The following HK1 variants were observed in gnomAD, a reference collection of about 807,000 sequenced individuals.
HK1 encodes the protein hexokinase-1.
A neutral mutation model predicts 91.6 loss-of-function variants in HK1; 28 were observed. The ratio of observed to expected loss-of-function variants is 0.31; its 90% CI spans 0.23 to 0.42. The LOEUF is 0.42. Among genes scored for constraint, HK1 ranks in the 10% least tolerant of loss-of-function variants. HK1 has a pLI of 1.00. For missense variants in HK1, 770 were observed against 1,219.8 expected (o/e 0.63, Z 5.49); for synonymous variants, 430 against 468.1 (o/e 0.92, Z 1.05).
chr10:69,350,324 G>T (rs980540425), intron 2 of HK1, among the ~76,000 whole-genome samples: 1 of 152,204 alleles, frequency 6.6e-6, no homozygotes, highest in Non-Finnish European at 1.5e-5. Context: ...CTAAAGAGAT[G>T]CTGGACATCC....
intron 14 of HK1, among the ~76,000 whole-genome samples, chr10:69,391,601 C>T (rs865819423): frequency 6.6e-5 from 10 of 152,280 alleles, no homozygotes; most frequent in Admixed American, 3.3e-4. Flanking sequence ...AAGATTGCGC[C>T]GCTGCACTCC....
In HK1 at chr10:69,369,715, C is replaced by A; in HGVS notation, c.875+91C>A. ...GATGGGAGATGAAAAGGGCATAAAG[C>A]CAAGTGATCACAAACAGAAAAGCCT... On this transcript the variant is annotated intron_variant, in intron 7 of 17. Coordinates refer to ENST00000359426, the MANE Select transcript of HK1 (RefSeq NM_000188.3). The surrounding 1 kb of genome is among the most constrained non-coding windows in gnomAD (Gnocchi z 4.4). 1 of 1,213,050 alleles carries A rather than the reference C, an allele frequency of 8.2e-7. No homozygotes were observed. The highest frequency in any genetic ancestry group is 1.2e-6 in the Non-Finnish European group (1 of 837,346). 75.1% of individuals were successfully genotyped at this position (1,213,050 alleles called of 1,614,324 possible). A position where few individuals can be genotyped will look rare whatever the true frequency, so the allele number is the denominator to read the frequency against.
At position 69,296,776 on chromosome 10, in the gene HK1, G is replaced by A. The variant is rs192379448; in HGVS notation, c.-67+1096G>A. On this transcript the variant is annotated intron_variant, in intron 4 of 21. Transcript: ENST00000360289. ...GACTGAGGAGGTTGGATGGGACTGG[G>A]ATTGGTTGTCCAGTTGAGAAACTCT... Among the ~76,000 whole-genome samples, 645 of 152,322 alleles carry A rather than the reference G, an allele frequency of 4.2e-3. 5 individuals are homozygous for A. The highest frequency in any genetic ancestry group is 0.015 in the African/African-American group (609 of 41,574).
intron 3 of HK1, among the ~76,000 whole-genome samples, chr10:69,290,365 G>A (rs1378982874): frequency 3.9e-5 from 6 of 152,292 alleles, no homozygotes; most frequent in Middle Eastern, 3.4e-3. Flanking sequence ...TCTTGGGCAC[G>A]CCTGGGGTGG....
chr10:69,332,109 T>C (rs1589497394), intron 1 of HK1, among the ~76,000 whole-genome samples: 1 of 152,178 alleles, frequency 6.6e-6, no homozygotes, highest in Non-Finnish European at 1.5e-5. Context: ...TAAATGTGGC[T>C]AGTAGGAAAC....
intron 3 of HK1, among the ~76,000 whole-genome samples, chr10:69,361,908 C>T (rs564713945): frequency 9.9e-5 from 15 of 152,232 alleles, no homozygotes; most frequent in African/African-American, 3.1e-4. Flanking sequence ...ACCTCCGCCT[C>T]CCGGGTTCAA....
chr10:69,338,512 G>T, intron 1 of HK1: 1 of 1,289,460 alleles, frequency 7.8e-7, no homozygotes, highest in Non-Finnish European at 1.0e-6. Flanking sequence ...TCCACAGACC[G>T]AGGCTTGCAG....
intron 1 of HK1, among the ~76,000 whole-genome samples, chr10:69,321,762 G>T (rs1847046396): frequency 6.6e-6 from 1 of 152,206 alleles, no homozygotes; most frequent in African/African-American, 2.4e-5. Context: ...ATCCTGGGTT[G>T]AAACAGTTCA....
intron 1 of HK1, among the ~76,000 whole-genome samples, chr10:69,340,974 C>T (rs902802990): frequency 6.6e-6 from 1 of 152,002 alleles, no homozygotes; most frequent in South Asian, 2.1e-4. Flanking sequence ...TCTCCAACTT[C>T]GCCTCTCCAG....
At chr10:69,331,164 G>T (rs1321858389) in intron 1 of HK1, among the ~76,000 whole-genome samples, 1 of 152,194 alleles carries the variant, frequency 6.6e-6, no homozygotes, top group Non-Finnish European at 1.5e-5. Context: ...ACAGGCATGA[G>T]CCGCCACGCC....
chr10:69,396,478 C>T (rs1166338067), intron 16 of HK1, among the ~76,000 whole-genome samples: 4 of 152,068 alleles, frequency 2.6e-5, no homozygotes, highest in South Asian at 2.1e-4. Flanking sequence ...AAACTCTGTA[C>T]GCAGCAAACA....
intron 2 of HK1, among the ~76,000 whole-genome samples, chr10:69,348,494 G>A (rs2132705120): frequency 6.6e-6 from 1 of 152,320 alleles, no homozygotes. Flanking sequence ...GGGCAGGAAT[G>A]CCTGTGTATC....
Position 69,338,714 on chromosome 10 carries a change from TA to T in HK1, c.64-5112del, listed in dbSNP as rs1399609248. ...GTGTGTGTGTGTGTGTGTGTGTAAG[TA>T]CTTGTGTGTGTATGTGTGAGTGTGT... On this transcript the variant is annotated intron_variant, in intron 1 of 17. Transcript: ENST00000359426. 4 of 1,262,430 alleles carry T rather than the reference TA, an allele frequency of 3.2e-6. No individual in the cohort carries two copies. The East Asian group carries it at 2.2e-4, about 71-fold the overall frequency. The allele number at this position is 1,262,430 out of a possible 1,614,324, so 78.2% of individuals were successfully genotyped here. A position where few individuals can be genotyped will look rare whatever the true frequency, so the allele number is the denominator to read the frequency against.
At chr10:69,372,600 G>A (rs1850067031) in intron 7 of HK1, among the ~76,000 whole-genome samples, 1 of 152,188 alleles carries the variant, frequency 6.6e-6, no homozygotes. Flanking sequence ...GTGTGGTCTG[G>A]TGTAGGTTTG....
upstream of HK1, chr10:69,318,110 CCGGAGCTGGTGACTCGGGGG>C: frequency 1.0e-6 from 1 of 985,448 alleles, no homozygotes; most frequent in Non-Finnish European, 1.2e-6. Flanking sequence ...GGGAGAGCCA[CCGGAGCTGGTGACTCGGGGG>C]CGGGTGCTCT....
intron 14 of HK1, among the ~76,000 whole-genome samples, chr10:69,391,498 G>A (rs543156771): frequency 6.6e-6 from 1 of 152,312 alleles, no homozygotes; most frequent in South Asian, 2.1e-4. Flanking sequence ...TAAAAAATTA[G>A]CCAGGCATGA....
In HK1 at chr10:69,400,999, G is replaced by C. The variant is rs760862468; in HGVS notation, c.2618G>C (p.Arg873Thr). 6.2e-7 allele frequency: 1 copy of C among 1,614,218 alleles called. No homozygotes were observed. The highest frequency in any genetic ancestry group is 8.5e-7 in the Non-Finnish European group (1 of 1,180,042). Residue 873 changes from arginine (R) to threonine (T), a missense_variant, in exon 18 of 18, where the codon AGA becomes ACA. Transcript: ENST00000359426. ...TTTCTCGTCCTTTTTAGCTTCTCCA[G>C]AATCATGCACCAGACGGTGAAGGAA... ...TLYKLHPHFS[R>T]IMHQTVKELS...
At chr10:69,297,402 A>G (rs1428909322) in intron 4 of HK1, among the ~76,000 whole-genome samples, 1 of 152,166 alleles carries the variant, frequency 6.6e-6, no homozygotes, top group Non-Finnish European at 1.5e-5. Context: ...AGGTGTAAGC[A>G]AACTCCTGCA....
chr10:69,279,943 ATAC>A (rs1240768753), intron 1 of HK1, among the ~76,000 whole-genome samples: 1 of 152,132 alleles, frequency 6.6e-6, no homozygotes, highest in Non-Finnish European at 1.5e-5. Flanking sequence ...AGCTTATTTT[ATAC>A]TTTGGTTGAT....
Sources: allele counts gnomAD v4.1 joint callset (sites outside exome capture counted in the v4.1 genomes callset), GRCh38; gene constraint gnomAD v4.1.1; non-coding constraint Gnocchi (gnomAD v3.1); transcripts MANE v1.5; gene names NCBI Gene and HGNC (gene_info 2026-07-23, HGNC 2026-07-21).